KDM2B: variants seen among roughly 807,000 people sequenced by gnomAD.
KDM2B encodes lysine-specific demethylase 2B.
A neutral mutation model predicts 150.0 loss-of-function variants in KDM2B; 26 were observed. That is an observed-to-expected ratio of 0.17 (90% confidence interval 0.13 to 0.24). The LOEUF (loss-of-function observed/expected upper bound fraction) is 0.24, where lower values mean the gene tolerates loss of function less well. Among genes scored for constraint, KDM2B ranks in the 10% least tolerant of loss-of-function variants. The pLI is 1.00. For synonymous variants in KDM2B, 734 were observed against 729.5 expected, an observed-to-expected ratio of 1.01 and a Z score of -0.10; for missense variants, 1,265 against 1,816.9, an observed-to-expected ratio of 0.70 and a Z score of 5.52.
intron 12 of KDM2B, among the ~76,000 whole-genome samples, chr12:121,482,372 G>A (rs1882249024): frequency 6.6e-6 from 1 of 151,896 alleles, no homozygotes; most frequent in Non-Finnish European, 1.5e-5. Context: ...GAGCTATCTT[G>A]GCTCACTGCA....
At chr12:121,535,666 C>T (rs1220390936) in intron 6 of KDM2B, among the ~76,000 whole-genome samples, 1 of 152,114 alleles carries the variant, frequency 6.6e-6, no homozygotes, top group African/African-American at 2.4e-5. Context: ...AGAACTTGGA[C>T]CTTGGAGGCT....
intron 12 of KDM2B, among the ~76,000 whole-genome samples, chr12:121,491,793 C>CTGTGT (rs1883391203): frequency 1.9e-5 from 1 of 52,230 alleles, no homozygotes; most frequent in African/African-American, 5.9e-5. Context: ...GATTCCATCT[C>CTGTGT]AAAAAAAAAA....
chr12:121,540,541 G>A (rs1303751703), intron 6 of KDM2B, among the ~76,000 whole-genome samples: 2 of 151,832 alleles, frequency 1.3e-5, no homozygotes, highest in African/African-American at 2.4e-5. Context: ...CTGAGGTCAG[G>A]AGTTCAAGAC....
chr12:121,467,119 C>T lies in KDM2B; in HGVS notation c.1735-13775G>A, dbSNP rs558347921. ...TCAGACAGGCGGTCGGGAGGTCGTG[C>T]GGCGGGTCCCTCCCTCAGCCCCACC... On this transcript the variant is annotated intron_variant, in intron 12 of 22. Transcript: ENST00000377071. This position sits in a 1 kb window ranked among gnomAD's most constrained non-coding sequence, Gnocchi z 5.1. The T allele has an allele frequency of 1.8e-6, 2 of 1,096,302 alleles. No homozygotes were observed. The highest frequency in any genetic ancestry group is 1.7e-5 in the African/African-American group (1 of 58,438). The allele number at this position is 1,096,302 out of a possible 1,614,324, so 67.9% of individuals were successfully genotyped here.
chr12:121,505,258 C>T (rs1194548436), intron 11 of KDM2B, among the ~76,000 whole-genome samples: 1 of 150,806 alleles, frequency 6.6e-6, no homozygotes, highest in African/African-American at 2.5e-5. Flanking sequence ...TGCACTCCAG[C>T]CTGGGCAACA....
chr12:121,441,026 C>A lies in KDM2B; in HGVS notation c.3448+44G>T, dbSNP rs568346737. 1.5e-5 allele frequency: 24 copies of A among 1,612,754 alleles called. No individual in the cohort carries two copies. The African/African-American group carries it at 2.1e-4, about 14-fold the overall frequency. ...AAGGTCAGGGGATGTGTCCCCAGCC[C>A]TCACTGCAGCAGACACACTCGGGGC... On this transcript the variant is annotated intron_variant, in intron 20 of 22. Coordinates refer to ENST00000377071, the MANE Select transcript of KDM2B (RefSeq NM_032590.5).
chr12:121,521,148 C>T lies in KDM2B; in HGVS notation c.932-48G>A, dbSNP rs782490351. ...AGGATGAGCCGCTGGCCCCTGTGGG[C>T]TCCCACACCTCACAAGGCTGCAGGG... On this transcript the variant is annotated intron_variant, in intron 8 of 22. Transcript: ENST00000377071. The surrounding 1 kb of genome is among the most constrained non-coding windows in gnomAD (Gnocchi z 4.9). The T allele has an allele frequency of 7.7e-6, 10 of 1,291,242 alleles. No homozygotes were observed. Among genetic ancestry groups the T allele is most frequent in the Non-Finnish European group, 1.1e-5 (10 of 889,994 alleles). The allele number at this position is 1,291,242 out of a possible 1,614,324, so 80.0% of individuals were successfully genotyped here. A position where few individuals can be genotyped will look rare whatever the true frequency, so the allele number is the denominator to read the frequency against.
At chr12:121,475,620 A>G (rs1160383169) in intron 12 of KDM2B, among the ~76,000 whole-genome samples, 4 of 151,118 alleles carry the variant, frequency 2.6e-5, no homozygotes, top group African/African-American at 9.7e-5. Flanking sequence ...AAAAACAGGC[A>G]CAGTGGCTCA....
At position 121,430,546 on chromosome 12, in the gene KDM2B, A is replaced by C. The variant is rs1487887252; in HGVS notation, c.3830-77T>G. 1.2e-5 allele frequency: 12 copies of C among 962,654 alleles called. No individual in the cohort carries two copies. Among genetic ancestry groups the C allele is most frequent in the Admixed American group, 6.9e-5 (4 of 58,308 alleles). 59.6% of individuals were successfully genotyped at this position (962,654 alleles called of 1,614,324 possible). ...CCCCCGCCGCCAGACCCAGGCACTC[A>C]GCAGTGGGGACAGGTCAGAGCTCTA... is the stretch of plus-strand genomic sequence containing the variant. On this transcript the variant is annotated intron_variant, in intron 22 of 22. Transcript: ENST00000377071. This position sits in a 1 kb window ranked among gnomAD's most constrained non-coding sequence, Gnocchi z 4.4.
rs369462105 is a variant in KDM2B at position 121,439,950 on chromosome 12, T to G, written c.3736A>C (p.Ser1246Arg). The G allele has an allele frequency of 6.2e-7, 1 of 1,614,172 alleles. No individual in the cohort carries two copies. Among genetic ancestry groups the G allele is most frequent in the South Asian group, 1.1e-5 (1 of 91,084 alleles). ...TGGTCGGTGACGTGGTTACAGTAACTGAGGTGGAGCTTGGAGAGCAGGGGC... is the reference window on the plus strand; with the variant it reads ...TGGTCGGTGACGTGGTTACAGTAACGGAGGTGGAGCTTGGAGAGCAGGGGC... ...HMPLLSKLHL[S>R]YCNHVTDQSI... Residue 1246 changes from serine to arginine, a missense_variant, in exon 22 of 23, where the codon AGT (serine) becomes CGT (arginine). Ser to Arg is a moderately radical substitution (Grantham distance 110). This residue lies in a region of KDM2B where 251 missense variants were observed against 397.8 expected (regional missense o/e 0.63). Coordinates refer to ENST00000377071, the MANE Select transcript of KDM2B (RefSeq NM_032590.5).
At chr12:121,507,990 AACAGAG>A (rs1411832732) in intron 11 of KDM2B, among the ~76,000 whole-genome samples, 26 of 152,336 alleles carry the variant, frequency 1.7e-4, no homozygotes, top group Middle Eastern at 3.4e-3. Context: ...CAGCCTGTGC[AACAGAG>A]TAACACCCTG....
intron 4 of KDM2B, among the ~76,000 whole-genome samples, chr12:121,567,564 CA>C (rs2136375048): frequency 6.6e-6 from 1 of 152,184 alleles, no homozygotes; most frequent in African/African-American, 2.4e-5. Context: ...TAGTTTAGGA[CA>C]GACATGCAAA....
chr12:121,410,995 C>T, the KDM2B span, among the ~76,000 whole-genome samples: 78 of 152,212 alleles, frequency 5.1e-4, no homozygotes, highest in South Asian at 3.7e-3. Flanking sequence ...AGTGCGGTGG[C>T]GTAAGCATAG....
intron 4 of KDM2B, among the ~76,000 whole-genome samples, chr12:121,552,975 G>A (rs138687306): frequency 0.012 from 1,793 of 152,284 alleles, 28 homozygotes; most frequent in African/African-American, 0.041. Flanking sequence ...GCTCACGCCT[G>A]TAATCCCAGC....
At chr12:121,469,443 C>T (rs782433975) in intron 12 of KDM2B, 6 of 150,680 alleles carry the variant, frequency 4.0e-5, no homozygotes, top group Non-Finnish European at 3.0e-5. Context: ...ATGGTGAAAC[C>T]CAGTGTCTAC....
In KDM2B at chr12:121,453,088, C is replaced by G. The variant is rs782241606; in HGVS notation, c.1959+32G>C. ...CGGGCCGGCACGCAGGGGCCTGAAT[C>G]GAGCGCAGGGCTGGGCGGGGGCCGC... On this transcript the variant is annotated intron_variant, in intron 13 of 22. Transcript: ENST00000377071. This position sits in a 1 kb window ranked among gnomAD's most constrained non-coding sequence, Gnocchi z 6.4. The G allele has an allele frequency of 3.8e-6, 6 of 1,559,714 alleles. No individual in the cohort carries two copies. Among genetic ancestry groups the G allele is most frequent in the Non-Finnish European group, 5.2e-6 (6 of 1,153,334 alleles).
intron 4 of KDM2B, among the ~76,000 whole-genome samples, chr12:121,558,605 C>T (rs568162827): frequency 1.3e-5 from 2 of 152,208 alleles, no homozygotes; most frequent in South Asian, 4.1e-4. Context: ...AGGCGCATGC[C>T]ACCATGCCCC....
the KDM2B span, among the ~76,000 whole-genome samples, chr12:121,421,096 A>G: frequency 6.6e-6 from 1 of 152,136 alleles, no homozygotes; most frequent in African/African-American, 2.4e-5. Flanking sequence ...TTTTCTCACT[A>G]ATGCCTTTGG....
In KDM2B at chr12:121,453,467, A is replaced by G. The variant is rs1877687994; in HGVS notation, c.1735-123T>C. The stretch of plus-strand genomic sequence containing the variant: ...AGACACGATGGGGGCTCTAAACCCC[A>G]TTCCTCAGAGTGTGATCTTTATTTG... On this transcript the variant is annotated intron_variant, in intron 12 of 22. Coordinates refer to ENST00000377071, the MANE Select transcript of KDM2B (RefSeq NM_032590.5). This position sits in a 1 kb window ranked among gnomAD's most constrained non-coding sequence, Gnocchi z 6.4. 1.4e-5 allele frequency: 10 copies of G among 695,538 alleles called. No individual in the cohort carries two copies. The African/African-American group carries it at 1.6e-4, about 11-fold the overall frequency. 43.1% of individuals were successfully genotyped at this position (695,538 alleles called of 1,614,324 possible).
Sources: allele counts gnomAD v4.1 joint callset (sites outside exome capture counted in the v4.1 genomes callset), GRCh38; gene constraint gnomAD v4.1.1; regional missense constraint gnomAD v4.1.1; non-coding constraint Gnocchi (gnomAD v3.1); transcripts MANE v1.5; gene names NCBI Gene and HGNC (gene_info 2026-07-23, HGNC 2026-07-21).